Variants in CEP85L observed in about 807,000 individuals in gnomAD.
The protein encoded by CEP85L is centrosomal protein of 85 kDa-like.
A neutral mutation model predicts 100.3 loss-of-function variants in CEP85L; 60 were observed. That is an observed-to-expected ratio of 0.60 (90% CI 0.49 to 0.74). CEP85L has a LOEUF of 0.74. CEP85L is among the 30% of genes least tolerant of loss of function. The pLI is 0.00. For synonymous variants in CEP85L, 319 were observed against 322.7 expected (o/e 0.99, Z 0.12); for missense variants, 973 against 936.2 (o/e 1.04, Z -0.51).
At chr6:118,542,901 A>AAAAAAAAAAAAAAAAAAAAAAAC (rs1777980322) in intron 3 of CEP85L, among the ~76,000 whole-genome samples, 1 of 21,602 alleles carries the variant, frequency 4.6e-5, no homozygotes. Context: ...AAGTTTTCCC[A>AAAAAAAAAAAAAAAAAAAAAAAC]AAAAAAAAAA....
intron 7 of CEP85L, among the ~76,000 whole-genome samples, chr6:118,483,061 CCT>C (rs1173994973): frequency 6.6e-6 from 1 of 151,978 alleles, no homozygotes; most frequent in Non-Finnish European, 1.5e-5. Context: ...AAGGCACACC[CCT>C]GTAACAAAAA....
At chr6:118,667,251 TTA>T (rs1776161472) in intron 1 of CEP85L, among the ~76,000 whole-genome samples, 1 of 152,232 alleles carries the variant, frequency 6.6e-6, no homozygotes, top group Non-Finnish European at 1.5e-5. Context: ...AAGAAGGGCA[TTA>T]AATTGGGTCA....
chr6:118,497,181 TAA>T (rs1488186468), intron 5 of CEP85L, among the ~76,000 whole-genome samples: 1 of 152,212 alleles, frequency 6.6e-6, no homozygotes, highest in Non-Finnish European at 1.5e-5. Context: ...ACAGTGGTCT[TAA>T]AAGTATGTTT....
chr6:118,554,243 C>T (rs1778717593), intron 3 of CEP85L, among the ~76,000 whole-genome samples: 1 of 152,096 alleles, frequency 6.6e-6, no homozygotes, highest in Non-Finnish European at 1.5e-5. Flanking sequence ...GCCACGATTG[C>T]ACAACTGCAC....
chr6:118,632,373 T>C, intron 2 of CEP85L, 80 bp downstream of exon 2: 2 of 1,077,062 alleles, frequency 1.9e-6, no homozygotes, highest in Non-Finnish European at 2.7e-6. Context: ...TATGAAACAA[T>C]AAAACATATC....
At chr6:118,658,261 A>C (rs189588082) in intron 1 of CEP85L, among the ~76,000 whole-genome samples, 24 of 152,366 alleles carry the variant, frequency 1.6e-4, no homozygotes, top group Admixed American at 5.2e-4. Context: ...TATAAAAAAC[A>C]AAAAGATGAT....
intron 2 of CEP85L, among the ~76,000 whole-genome samples, chr6:118,614,519 A>C (rs9489468): frequency 0.029 from 4,407 of 152,352 alleles, 106 homozygotes; most frequent in African/African-American, 0.056. Context: ...GCGTGAGTTC[A>C]GCAAGGTAAC....
At chr6:118,480,544 T>TA in intron 8 of CEP85L, 31 bp from the exon 9 acceptor site, 1 of 1,361,574 alleles carries the variant, frequency 7.3e-7, no homozygotes, top group Non-Finnish European at 1.0e-6. Flanking sequence ...ATGAAGAAAA[T>TA]AAGCTCTATT....
chr6:118,562,213 G>T (rs560876368), intron 3 of CEP85L, among the ~76,000 whole-genome samples: 52 of 151,872 alleles, frequency 3.4e-4, no homozygotes, highest in Non-Finnish European at 6.0e-4. Flanking sequence ...CCAGAACAGG[G>T]TACAAAAATA....
At chr6:118,707,328 G>A (rs1037186625) in intron 1 of CEP85L, among the ~76,000 whole-genome samples, 9 of 152,000 alleles carry the variant, frequency 5.9e-5, no homozygotes, top group African/African-American at 1.7e-4. Flanking sequence ...CCAGTAGCTG[G>A]GACTACAGGT....
intron 10 of CEP85L, among the ~76,000 whole-genome samples, chr6:118,478,246 C>T (rs371165200): frequency 1.3e-5 from 2 of 151,974 alleles, no homozygotes; most frequent in East Asian, 3.9e-4. Context: ...TATAGATATG[C>T]CTTTTAGAAA....
At position 118,520,779 on chromosome 6, in the gene CEP85L, T is replaced by A. The variant is rs561974112; in HGVS notation, c.1139+3023A>T. ...AAAAACTTCATTTTTGCTTAAGTGG[T>A]GAGACTCCTTCACCCAGTCAGTTAA... On this transcript the variant is annotated intron_variant, in intron 4 of 12. Transcript: ENST00000368491. Among the ~76,000 whole-genome samples, 203 of 152,294 alleles carry A rather than the reference T, an allele frequency of 1.3e-3. 1 individual carries two copies. The highest frequency in any genetic ancestry group is 2.0e-3 in the Non-Finnish European group (139 of 68,036).
In CEP85L at chr6:118,562,903, C is replaced by T. The variant is rs527892834; in HGVS notation, c.1020+2626G>A. Among the ~76,000 whole-genome samples the T allele has an allele frequency of 7.5e-4, 114 of 152,278 alleles. 2 individuals are homozygous for T. In the South Asian group the frequency reaches 0.017, roughly 22 times the overall value. Reference sequence around the variant, plus strand: ...GGGCTTACAGGAATCCAAATGGATACTGCCGTTACGTGTAGAAGTGTTTAT... The same window carrying T: ...GGGCTTACAGGAATCCAAATGGATATTGCCGTTACGTGTAGAAGTGTTTAT... On this transcript the variant is annotated intron_variant, in intron 3 of 12. Transcript: ENST00000368491.
At chr6:118,684,374 T>C (rs922926276) in intron 1 of CEP85L, among the ~76,000 whole-genome samples, 7 of 152,276 alleles carry the variant, frequency 4.6e-5, no homozygotes, top group African/African-American at 1.7e-4. Context: ...TGGTGGCGCA[T>C]GCCTGTTAAT....
At chr6:118,561,496 T>C (rs1275513728) in intron 3 of CEP85L, among the ~76,000 whole-genome samples, 2 of 152,078 alleles carry the variant, frequency 1.3e-5, no homozygotes, top group Admixed American at 1.3e-4. Flanking sequence ...TCATAAAGTG[T>C]AAAGAATAAG....
chr6:118,652,802 G>C (rs1252768230), upstream of CEP85L: 1 of 1,293,164 alleles, frequency 7.7e-7, no homozygotes, highest in South Asian at 1.3e-5. Context: ...CCAAGGGTCA[G>C]CTGTTTCTGA....
chr6:118,592,666 T>C (rs928673854), intron 2 of CEP85L, among the ~76,000 whole-genome samples: 1 of 152,158 alleles, frequency 6.6e-6, no homozygotes, highest in Non-Finnish European at 1.5e-5. Context: ...AAAATGGGTT[T>C]ATAATTGTAC....
intron 6 of CEP85L, among the ~76,000 whole-genome samples, chr6:118,488,049 C>A (rs1000026063): frequency 2.0e-5 from 3 of 151,984 alleles, no homozygotes; most frequent in South Asian, 2.1e-4. Context: ...ATGAAAAGCC[C>A]CCCTCTCTCG....
At chr6:118,617,749 C>T (rs903212391) in intron 2 of CEP85L, among the ~76,000 whole-genome samples, 1 of 152,108 alleles carries the variant, frequency 6.6e-6, no homozygotes, top group African/African-American at 2.4e-5. Flanking sequence ...CATGGTCAGC[C>T]GCCACACCAA....
Sources: allele counts gnomAD v4.1 joint callset (sites outside exome capture counted in the v4.1 genomes callset), GRCh38; gene constraint gnomAD v4.1.1; transcripts MANE v1.5; gene names NCBI Gene and HGNC (gene_info 2026-07-23, HGNC 2026-07-21).